Variants in RORB observed in about 807,000 individuals in gnomAD.
The protein encoded by RORB is RAR related orphan receptor B.
RORB carries 6 observed loss-of-function variants against 59.1 expected under a neutral mutation model. That is an observed-to-expected ratio of 0.10 (90% CI 0.06 to 0.20). The LOEUF is 0.20. RORB is among the 10% of genes least tolerant of loss of function. The pLI is 1.00. For synonymous variants in RORB, 215 were observed against 204.5 expected (o/e 1.05, Z -0.44); for missense variants, 320 against 560.5 (o/e 0.57, Z 4.33).
rs190029302 is a variant in RORB, at chr9:74,557,695, C to T, written c.7+59712C>T. On this transcript the variant is annotated intron_variant, in intron 1 of 9. Coordinates refer to ENST00000376896, the MANE Select transcript of RORB (RefSeq NM_006914.4). Reference sequence around the variant, plus strand: ...CTTTCTGCAACTTTGGCCTTAATTACGTAACGGCCGAGGACTCTTTATAAT... The same window carrying T: ...CTTTCTGCAACTTTGGCCTTAATTATGTAACGGCCGAGGACTCTTTATAAT... 3.5e-4 allele frequency among the ~76,000 whole-genome samples: 53 copies of T among 152,196 alleles called. 1 individual carries two copies. The highest frequency in any genetic ancestry group is 5.8e-4 in the African/African-American group (24 of 41,530).
intron 1 of RORB, among the ~76,000 whole-genome samples, chr9:74,541,382 T>C (rs891982873): frequency 8.8e-5 from 13 of 147,842 alleles, no homozygotes; most frequent in South Asian, 4.3e-4. Flanking sequence ...TCAAGAGAAG[T>C]GGGCTCTATA....
At chr9:74,600,809 A>G (rs1217266637) in intron 1 of RORB, among the ~76,000 whole-genome samples, 2 of 152,208 alleles carry the variant, frequency 1.3e-5, no homozygotes, top group Non-Finnish European at 2.9e-5. Flanking sequence ...AAAATAATGT[A>G]TAGTTTACCA....
At chr9:74,615,129 G>C (rs555400077) in intron 1 of RORB, among the ~76,000 whole-genome samples, 2 of 152,126 alleles carry the variant, frequency 1.3e-5, no homozygotes, top group Non-Finnish European at 2.9e-5. Flanking sequence ...ACCTTGATGC[G>C]ATCTTTCATC....
At chr9:74,621,335 A>G (rs919060434) in intron 1 of RORB, among the ~76,000 whole-genome samples, 2 of 152,166 alleles carry the variant, frequency 1.3e-5, no homozygotes, top group African/African-American at 4.8e-5. Context: ...GCCCTTTGAA[A>G]AATATTATGT....
At chr9:74,632,899 A>T (rs1823642363) in intron 2 of RORB, among the ~76,000 whole-genome samples, 2 of 152,162 alleles carry the variant, frequency 1.3e-5, no homozygotes, top group Non-Finnish European at 2.9e-5. Context: ...TGCTCCATGA[A>T]TTCAGTCAAA....
intron 7 of RORB, among the ~76,000 whole-genome samples, chr9:74,666,035 C>T (rs1284149113): frequency 2.0e-5 from 3 of 152,114 alleles, no homozygotes; most frequent in African/African-American, 7.2e-5. Flanking sequence ...GCCTGTAATC[C>T]CAGCACTTTG....
chr9:74,549,533 GA>G, intron 1 of RORB, among the ~76,000 whole-genome samples: 1 of 25,702 alleles, frequency 3.9e-5, no homozygotes, highest in Non-Finnish European at 8.0e-5. Flanking sequence ...GGGAGGGAGG[GA>G]GGGAGGGAGG....
chr9:74,665,643 T>C, intron 7 of RORB, 48 bp downstream of exon 7: 1 of 1,167,924 alleles, frequency 8.6e-7, no homozygotes, highest in South Asian at 1.3e-5. Context: ...CACCATCAGT[T>C]TCTCCACTTA....
chr9:74,640,938 T>C (rs923073772), intron 3 of RORB, among the ~76,000 whole-genome samples: 1 of 152,234 alleles, frequency 6.6e-6, no homozygotes, highest in Non-Finnish European at 1.5e-5. Context: ...GTTCCCTTTG[T>C]GCTAGAGAGT....
At chr9:74,591,616 T>A (rs1215619649) in intron 1 of RORB, among the ~76,000 whole-genome samples, 2 of 152,192 alleles carry the variant, frequency 1.3e-5, no homozygotes, top group Non-Finnish European at 2.9e-5. Context: ...CCTAGTGTGA[T>A]ATGATTGAGA....
rs181040408 is a variant in RORB, at chr9:74,649,606, A to G, written c.637+6791A>G. On this transcript the variant is annotated intron_variant, in intron 4 of 9. Coordinates refer to ENST00000376896, the MANE Select transcript of RORB (RefSeq NM_006914.4). The stretch of plus-strand genomic sequence containing the variant: ...GGTATCCTCTAATAACCCCGCAAAG[A>G]TGGTCTACAATCACCTAGTAACATG... Among the ~76,000 whole-genome samples the G allele has an allele frequency of 4.6e-3, 705 of 152,302 alleles. 5 individuals carry two copies. Among genetic ancestry groups the G allele is most frequent in the African/African-American group, 0.016 (678 of 41,566 alleles).
chr9:74,693,135 C>T lies in RORB; in HGVS notation c.*7517C>T, dbSNP rs1824773372. The T allele has an allele frequency of 6.6e-6, 1 of 152,072 alleles. No homozygotes were observed. The highest frequency in any genetic ancestry group is 1.5e-5 in the Non-Finnish European group (1 of 68,032). 9.4% of individuals were successfully genotyped at this position (152,072 alleles called of 1,614,324 possible). On this transcript the variant is annotated 3_prime_UTR_variant, in exon 10 of 10. Coordinates refer to ENST00000376896, the MANE Select transcript of RORB (RefSeq NM_006914.4). ...TGACAATCAATGTTTATGAAGTTTC[C>T]TCCTTTAATGCTGAACAAAATTAAA...
Position 74,692,300 on chromosome 9 carries a change from G to A in RORB, c.*6682G>A, listed in dbSNP as rs1275241144. The A allele has an allele frequency of 1.3e-5, 2 of 152,182 alleles. No homozygotes were observed. The highest frequency in any genetic ancestry group is 2.9e-5 in the Non-Finnish European group (2 of 68,032). 9.4% of individuals were successfully genotyped at this position (152,182 alleles called of 1,614,324 possible). A position where few individuals can be genotyped will look rare whatever the true frequency, so the allele number is the denominator to read the frequency against. ...TCCCAAATATGACTTTAAAAGGCTAGTATTTTATGATGATCGATTTATAAT... is the reference window on the plus strand; with the variant it reads ...TCCCAAATATGACTTTAAAAGGCTAATATTTTATGATGATCGATTTATAAT... On this transcript the variant is annotated 3_prime_UTR_variant, in exon 10 of 10. Transcript: ENST00000376896.
intron 3 of RORB, 134 bp from the exon 4 acceptor site, chr9:74,642,280 G>T: frequency 1.1e-6 from 1 of 881,116 alleles, no homozygotes; most frequent in Non-Finnish European, 1.8e-6. Context: ...AAATGAATGG[G>T]TTCTTAAGTT....
intron 9 of RORB, among the ~76,000 whole-genome samples, chr9:74,680,170 A>G (rs559301549): frequency 5.9e-5 from 9 of 152,340 alleles, no homozygotes; most frequent in Non-Finnish European, 1.3e-4. Context: ...AGGTTAAGCA[A>G]AAGTATAAAA....
intron 1 of RORB, among the ~76,000 whole-genome samples, chr9:74,532,313 T>G (rs994418744): frequency 2.6e-5 from 4 of 151,938 alleles, no homozygotes; most frequent in Non-Finnish European, 5.9e-5. Flanking sequence ...TTCTCAGTGA[T>G]CAGTTCTGAT....
intron 1 of RORB, among the ~76,000 whole-genome samples, chr9:74,606,486 G>T (rs963408057): frequency 6.6e-6 from 1 of 152,212 alleles, no homozygotes; most frequent in Non-Finnish European, 1.5e-5. Context: ...GTCCCAGGAT[G>T]AGCGAGGGAA....
At chr9:74,643,639 G>T (rs745954850) in intron 4 of RORB, among the ~76,000 whole-genome samples, 12 of 152,162 alleles carry the variant, frequency 7.9e-5, no homozygotes, top group Non-Finnish European at 5.9e-5. Context: ...TACTCTCCTG[G>T]GTAACAGGGT....
rs1178798094 is a variant in RORB, at chr9:74,691,942, G to A, written c.*6324G>A. On this transcript the variant is annotated 3_prime_UTR_variant, in exon 10 of 10. Transcript: ENST00000376896. ...AACTCCATCTATAACTAGAAAATAC[G>A]AAAAAGGAAAATTAAAAAAAAAAGT... 6.6e-6 allele frequency: 1 copy of A among 151,732 alleles called. No homozygotes were observed. The highest frequency in any genetic ancestry group is 2.4e-5 in the African/African-American group (1 of 41,304). 9.4% of individuals were successfully genotyped at this position (151,732 alleles called of 1,614,324 possible).
Sources: allele counts gnomAD v4.1 joint callset (sites outside exome capture counted in the v4.1 genomes callset), GRCh38; gene constraint gnomAD v4.1.1; transcripts MANE v1.5; gene names NCBI Gene and HGNC (gene_info 2026-07-23, HGNC 2026-07-21).